SUSD6: variants seen among roughly 807,000 people sequenced by gnomAD.
SUSD6 encodes the protein sushi domain containing 6, also known as sushi domain-containing protein 6.
Under a neutral mutation model 28.4 loss-of-function variants are expected in SUSD6, and 16 were observed. That is an observed-to-expected ratio of 0.56 (90% confidence interval 0.38 to 0.86). SUSD6 has a LOEUF of 0.86. Ranked by LOEUF, SUSD6 falls within the 40% of genes least tolerant of loss-of-function variation. SUSD6 has a pLI of 0.00. For synonymous variants in SUSD6, 147 were observed against 159.6 expected (o/e 0.92, Z 0.59); for missense variants, 341 against 384.2 (o/e 0.89, Z 0.94).
At chr14:69,671,214 T>C (rs75744769) in intron 2 of SUSD6, among the ~76,000 whole-genome samples, 253 of 152,102 alleles carry the variant, frequency 1.7e-3, no homozygotes, top group African/African-American at 5.7e-3. Context: ...AAAAACAAAC[T>C]CTAGCTAATG....
chr14:69,709,106 T>G lies in SUSD6; in HGVS notation c.886+2T>G. On this transcript the variant is annotated splice_donor_variant, in intron 5 of 5. Transcript: ENST00000342745. LOFTEE classifies it high-confidence loss of function. ...TCACGTCAGAGGAGTACACAGATGGTGAGTGGTCCAAGCTGAACATGAATT... is the reference window on the plus strand; with the variant it reads ...TCACGTCAGAGGAGTACACAGATGGGGAGTGGTCCAAGCTGAACATGAATT... 6.4e-7 allele frequency: 1 copy of G among 1,572,180 alleles called. No homozygotes were observed. Among genetic ancestry groups the G allele is most frequent in the Non-Finnish European group, 8.6e-7 (1 of 1,157,574 alleles).
chr14:69,645,660 C>T (rs997532426), intron 1 of SUSD6, among the ~76,000 whole-genome samples: 3 of 152,186 alleles, frequency 2.0e-5, no homozygotes, highest in African/African-American at 7.2e-5. Flanking sequence ...TTATAAGACA[C>T]AAACCCCCTC....
intron 2 of SUSD6, among the ~76,000 whole-genome samples, chr14:69,678,009 G>A (rs959164456): frequency 6.6e-6 from 1 of 152,106 alleles, no homozygotes; most frequent in African/African-American, 2.4e-5. Flanking sequence ...GAGATGACCA[G>A]TATCCTAAGT....
intron 1 of SUSD6, among the ~76,000 whole-genome samples, chr14:69,649,864 C>T (rs1370431106): frequency 1.3e-5 from 2 of 152,222 alleles, no homozygotes; most frequent in East Asian, 3.9e-4. Flanking sequence ...GAGCAGGGAG[C>T]CCTATTAGGG....
intron 4 of SUSD6, among the ~76,000 whole-genome samples, chr14:69,708,409 G>C (rs1401031822): frequency 6.6e-6 from 1 of 152,154 alleles, no homozygotes; most frequent in Non-Finnish European, 1.5e-5. Context: ...GATGGAACCG[G>C]ATTCAAATCC....
At chr14:69,656,410 C>A (rs531783582) in intron 1 of SUSD6, among the ~76,000 whole-genome samples, 1 of 152,304 alleles carries the variant, frequency 6.6e-6, no homozygotes, top group South Asian at 2.1e-4. Context: ...GACAACTGCC[C>A]GGTAGGGTTA....
At chr14:69,689,782 A>G (rs987599970) in intron 2 of SUSD6, among the ~76,000 whole-genome samples, 1 of 152,172 alleles carries the variant, frequency 6.6e-6, no homozygotes, top group Non-Finnish European at 1.5e-5. Context: ...TCTCATGACA[A>G]GCCCTCCCGA....
At chr14:69,626,226 A>G (rs938579307) in intron 1 of SUSD6, among the ~76,000 whole-genome samples, 1 of 152,000 alleles carries the variant, frequency 6.6e-6, no homozygotes. Flanking sequence ...CCGGCTTCCC[A>G]CCTTCCCACC....
intron 1 of SUSD6, among the ~76,000 whole-genome samples, chr14:69,632,537 G>A (rs947423644): frequency 2.0e-5 from 3 of 152,116 alleles, no homozygotes. Context: ...CTGTTGAGAC[G>A]TATTTGTCAT....
intron 2 of SUSD6, among the ~76,000 whole-genome samples, chr14:69,671,436 T>C (rs1160746822): frequency 6.6e-6 from 1 of 152,150 alleles, no homozygotes; most frequent in Non-Finnish European, 1.5e-5. Context: ...GAGTGCATGC[T>C]TCTTGACTCT....
At chr14:69,618,374 A>G (rs1884989336) in intron 1 of SUSD6, among the ~76,000 whole-genome samples, 1 of 152,260 alleles carries the variant, frequency 6.6e-6, no homozygotes, top group South Asian at 2.1e-4. Context: ...TGTGATCCCA[A>G]GCATTTCTGA....
At position 69,713,371 on chromosome 14, in the gene SUSD6, C is replaced by T. The variant is rs1235509646; in HGVS notation, c.*2392C>T. 1.3e-5 allele frequency: 2 copies of T among 152,380 alleles called. No homozygotes were observed. Among genetic ancestry groups the T allele is most frequent in the Non-Finnish European group, 2.9e-5 (2 of 68,150 alleles). 9.4% of individuals were successfully genotyped at this position (152,380 alleles called of 1,614,324 possible). ...ATGGGAGCCTTGGCTCCCCTCTCGT[C>T]TCCTCCCCTCCTTCTTGTCACTGGC... On this transcript the variant is annotated 3_prime_UTR_variant, in exon 6 of 6. Transcript: ENST00000342745.
At position 69,705,445 on chromosome 14, in the gene SUSD6, C is replaced by T. The variant is rs61523830; in HGVS notation, c.458+703C>T. Among the ~76,000 whole-genome samples the T allele has an allele frequency of 9.1e-3, 1,384 of 152,256 alleles. 24 individuals carry two copies. The highest frequency in any genetic ancestry group is 0.031 in the African/African-American group (1,302 of 41,540). On this transcript the variant is annotated intron_variant, in intron 4 of 5. Transcript: ENST00000342745. The stretch of plus-strand genomic sequence containing the variant: ...GGATCATGGAACTTGTTAGGATCAA[C>T]CAAATGAGAAGCTCTAGGGGTGAGG...
At chr14:69,617,908 G>T (rs1295912420) in intron 1 of SUSD6, among the ~76,000 whole-genome samples, 1 of 152,018 alleles carries the variant, frequency 6.6e-6, no homozygotes, top group East Asian at 1.9e-4. Flanking sequence ...GAGAAAGAGT[G>T]CTCTTTAGAG....
At chr14:69,635,609 ACACACACACACACACACACACAC>A (rs1885253838) in intron 1 of SUSD6, among the ~76,000 whole-genome samples, 1 of 124,628 alleles carries the variant, frequency 8.0e-6, no homozygotes, top group Non-Finnish European at 1.9e-5. Flanking sequence ...ACACACACAC[ACACACACACACACACACACACAC>A]ACACACACAC....
intron 1 of SUSD6, among the ~76,000 whole-genome samples, chr14:69,642,171 T>A (rs1346889714): frequency 1.3e-5 from 2 of 152,228 alleles, no homozygotes; most frequent in East Asian, 1.9e-4. Flanking sequence ...TTGTATTTTT[T>A]AAAATACTTT....
chr14:69,669,496 G>T (rs1885798410), intron 2 of SUSD6, among the ~76,000 whole-genome samples: 2 of 152,326 alleles, frequency 1.3e-5, no homozygotes, highest in South Asian at 4.1e-4. Context: ...CCTGACATTA[G>T]AGAGGGGCAT....
At chr14:69,635,276 G>GA (rs898225687) in intron 1 of SUSD6, among the ~76,000 whole-genome samples, 12 of 152,188 alleles carry the variant, frequency 7.9e-5, no homozygotes, top group African/African-American at 2.9e-4. Flanking sequence ...AAAGACTTTG[G>GA]ATGAAGTTGT....
intron 1 of SUSD6, among the ~76,000 whole-genome samples, chr14:69,624,414 T>C (rs61980730): frequency 0.087 from 13,174 of 152,078 alleles, 771 homozygotes; most frequent in East Asian, 0.12. Flanking sequence ...GTATCAGCCA[T>C]ATGACCTTGA....
Sources: gnomAD v4.1 joint callset for allele counts (sites outside exome capture counted in the v4.1 genomes callset) on GRCh38, gnomAD v4.1.1 for gene constraint, MANE v1.5 for transcripts, NCBI Gene and HGNC (gene_info 2026-07-23, HGNC 2026-07-21) for gene names.